The following STARD13 variants were observed in gnomAD, a reference collection of about 807,000 sequenced individuals.
The protein encoded by STARD13 is stAR-related lipid transfer protein 13.
Under a neutral mutation model 106.4 loss-of-function variants are expected in STARD13, and 62 were observed. The ratio of observed to expected loss-of-function variants is 0.58; its 90% CI spans 0.48 to 0.72. STARD13 has a LOEUF of 0.72. Ranked by LOEUF, STARD13 falls within the 30% of genes least tolerant of loss-of-function variation. The pLI is 0.00. For missense variants in STARD13, 1,387 were observed against 1,424.0 expected (o/e 0.97, Z 0.42); for synonymous variants, 565 against 553.0 (o/e 1.02, Z -0.31).
intron 1 of STARD13, among the ~76,000 whole-genome samples, chr13:33,339,967 C>T (rs2077941893): frequency 6.6e-6 from 1 of 151,754 alleles, no homozygotes; most frequent in South Asian, 2.1e-4. Context: ...CACCTTGTGG[C>T]CAGGAAAGGT....
chr13:33,650,164 ATTTTTTTTTTTTTTTTTTTTTTT>A, the STARD13 span, among the ~76,000 whole-genome samples: 124 of 48,380 alleles, frequency 2.6e-3, 2 homozygotes, highest in East Asian at 0.055. Flanking sequence ...CGTGACTCCA[ATTTTTTTTTTTTTTTTTTTTTTT>A]TTTTTTTTTT....
intron 1 of STARD13, among the ~76,000 whole-genome samples, chr13:33,319,712 G>A (rs9563337): frequency 0.29 from 43,454 of 151,910 alleles, 6,843 homozygotes; most frequent in East Asian, 0.69. Flanking sequence ...CTGTCCAGTC[G>A]TTAGTGAGGT....
intron 6 of STARD13, among the ~76,000 whole-genome samples, 157 bp from the exon 7 acceptor site, chr13:33,126,397 T>C (rs952493114): frequency 2.6e-5 from 4 of 152,222 alleles, no homozygotes; most frequent in Non-Finnish European, 5.9e-5. Flanking sequence ...AGGACACTGC[T>C]GTGCTCTGTG....
At chr13:33,601,183 A>AT in the STARD13 span, among the ~76,000 whole-genome samples, 4 of 147,946 alleles carry the variant, frequency 2.7e-5, no homozygotes, top group Admixed American at 6.7e-5. Context: ...AAATTCAACC[A>AT]TTTTTTTTCC....
the STARD13 span, among the ~76,000 whole-genome samples, chr13:33,431,964 C>T: frequency 1.3e-5 from 2 of 152,148 alleles, no homozygotes; most frequent in Admixed American, 1.3e-4. Flanking sequence ...GAAAGTTCAG[C>T]GGAGGACTTG....
the STARD13 span, among the ~76,000 whole-genome samples, chr13:33,666,757 A>AT: frequency 4.0e-5 from 6 of 151,736 alleles, no homozygotes; most frequent in Non-Finnish European, 7.4e-5. Context: ...CACCCGGCTA[A>AT]TTTTTTGTAT....
chr13:33,664,252 T>C, the STARD13 span, among the ~76,000 whole-genome samples: 40 of 152,228 alleles, frequency 2.6e-4, 2 homozygotes, highest in Non-Finnish European at 2.9e-5. Context: ...ATTTCCTTTT[T>C]TGTGGTCCAC....
chr13:33,537,928 C>CA, the STARD13 span, among the ~76,000 whole-genome samples: 61 of 152,280 alleles, frequency 4.0e-4, no homozygotes, highest in African/African-American at 1.3e-3. Flanking sequence ...AGAACTAGGG[C>CA]ATTGCCTAGG....
chr13:33,432,645 A>G, the STARD13 span, among the ~76,000 whole-genome samples: 2 of 152,330 alleles, frequency 1.3e-5, no homozygotes, highest in Non-Finnish European at 2.9e-5. Context: ...GAAAATCACA[A>G]TGAAGATAAT....
chr13:33,347,011 G>T (rs1320567838), downstream of STARD13, among the ~76,000 whole-genome samples: 1 of 152,134 alleles, frequency 6.6e-6, no homozygotes, highest in East Asian at 1.9e-4. Context: ...AAAATTTTAG[G>T]CAAGTTAAAG....
chr13:33,593,058 C>A, the STARD13 span, among the ~76,000 whole-genome samples: 1 of 152,152 alleles, frequency 6.6e-6, no homozygotes, highest in Non-Finnish European at 1.5e-5. Flanking sequence ...TGCACTAGGT[C>A]AATATGCCAG....
chr13:33,207,018 T>C (rs1887455534), intron 1 of STARD13, among the ~76,000 whole-genome samples: 1 of 152,232 alleles, frequency 6.6e-6, no homozygotes. Context: ...AACTTTGTTG[T>C]TATTATGCAA....
the STARD13 span, among the ~76,000 whole-genome samples, chr13:33,382,627 C>T: frequency 1.3e-5 from 2 of 152,078 alleles, no homozygotes; most frequent in Non-Finnish European, 2.9e-5. Context: ...CTCTAAAAGG[C>T]CATAATTTAA....
At chr13:33,397,573 C>T in the STARD13 span, among the ~76,000 whole-genome samples, 1 of 152,090 alleles carries the variant, frequency 6.6e-6, no homozygotes, top group African/African-American at 2.4e-5. Context: ...AATTTCAGGC[C>T]CTTCACAGAG....
chr13:33,194,130 T>C (rs962379654), intron 1 of STARD13, among the ~76,000 whole-genome samples: 1 of 152,196 alleles, frequency 6.6e-6, no homozygotes, highest in Non-Finnish European at 1.5e-5. Flanking sequence ...CATACTCTTC[T>C]AGCTCTTCTT....
chr13:33,369,168 C>T, the STARD13 span, among the ~76,000 whole-genome samples: 4 of 152,160 alleles, frequency 2.6e-5, no homozygotes, highest in African/African-American at 9.6e-5. Flanking sequence ...ATCTTTACTT[C>T]TGTTTAGCTT....
chr13:33,295,740 G>C (rs1892465221), intron 1 of STARD13, among the ~76,000 whole-genome samples: 1 of 152,186 alleles, frequency 6.6e-6, no homozygotes, highest in Non-Finnish European at 1.5e-5. Flanking sequence ...AGTCAGAACA[G>C]AATAGAGGTA....
At chr13:33,360,755 A>T in the STARD13 span, among the ~76,000 whole-genome samples, 38 of 45,756 alleles carry the variant, frequency 8.3e-4, no homozygotes, top group African/African-American at 3.6e-3. Flanking sequence ...ACAATATAGG[A>T]TTGAACTGTG....
the STARD13 span, among the ~76,000 whole-genome samples, chr13:33,607,572 A>C: frequency 2.0e-5 from 3 of 152,138 alleles, no homozygotes; most frequent in Non-Finnish European, 4.4e-5. Flanking sequence ...CTGGGATTAC[A>C]GGTGTGAGCC....
Sources: allele counts gnomAD v4.1 joint callset (sites outside exome capture counted in the v4.1 genomes callset), GRCh38; gene constraint gnomAD v4.1.1; transcripts MANE v1.5; gene names NCBI Gene and HGNC (gene_info 2026-07-23, HGNC 2026-07-21).